The following PRKD1 variants were observed in gnomAD, a reference collection of about 807,000 sequenced individuals.
PRKD1 encodes serine/threonine-protein kinase D1.
Under a neutral mutation model 95.9 loss-of-function variants are expected in PRKD1, and 63 were observed. That is an observed-to-expected ratio of 0.66 (90% CI 0.54 to 0.81). The LOEUF (loss-of-function observed/expected upper bound fraction) is 0.81, where lower values mean the gene tolerates loss of function less well. Ranked by LOEUF, PRKD1 falls within the 30% of genes least tolerant of loss-of-function variation. The pLI, the probability that PRKD1 is intolerant of heterozygous loss-of-function variation, is 0.00. For missense variants in PRKD1, 1,048 were observed against 1,165.3 expected (o/e 0.90, Z 1.47); for synonymous variants, 425 against 423.1 (o/e 1.00, Z -0.05).
At chr14:29,914,777 C>CTTTTCT (rs562742263) in intron 1 of PRKD1, among the ~76,000 whole-genome samples, 12 of 144,332 alleles carry the variant, frequency 8.3e-5, no homozygotes, top group African/African-American at 2.8e-4. Context: ...CTTTTCTTTT[C>CTTTTCT]TTTTTTTTTT....
chr14:29,786,416 TGTTA>T (rs1889275854), intron 1 of PRKD1, among the ~76,000 whole-genome samples: 1 of 152,118 alleles, frequency 6.6e-6, no homozygotes, highest in Non-Finnish European at 1.5e-5. Context: ...GAAGAGTTGG[TGTTA>T]GTTCTTCTTT....
At chr14:29,850,439 G>A (rs1402126939) in intron 1 of PRKD1, among the ~76,000 whole-genome samples, 1 of 146,644 alleles carries the variant, frequency 6.8e-6, no homozygotes, top group Non-Finnish European at 1.5e-5. Context: ...AATCAAGAAA[G>A]CAACCCCATT....
intron 2 of PRKD1, 86 bp from the exon 3 acceptor site, chr14:29,666,294 T>A: frequency 7.2e-7 from 1 of 1,387,240 alleles, no homozygotes; most frequent in African/African-American, 1.4e-5. Flanking sequence ...AATATGCCAG[T>A]ACGGATATAA....
chr14:29,696,193 A>G (rs1884507049), intron 2 of PRKD1, among the ~76,000 whole-genome samples: 1 of 152,186 alleles, frequency 6.6e-6, no homozygotes, highest in Admixed American at 6.5e-5. Flanking sequence ...ACACATATGA[A>G]TTGCTGATGA....
chr14:29,675,557 G>C (rs1232897743), intron 2 of PRKD1, among the ~76,000 whole-genome samples: 1 of 152,108 alleles, frequency 6.6e-6, no homozygotes, highest in Non-Finnish European at 1.5e-5. Context: ...CAACCATTGT[G>C]GAAGACAGTG....
chr14:29,761,430 T>G (rs144303397), intron 1 of PRKD1, among the ~76,000 whole-genome samples: 1 of 152,320 alleles, frequency 6.6e-6, no homozygotes, highest in Non-Finnish European at 1.5e-5. Context: ...TTGAGACTGT[T>G]AAATTACTAA....
At chr14:29,681,098 G>A (rs907434601) in intron 2 of PRKD1, among the ~76,000 whole-genome samples, 3 of 152,222 alleles carry the variant, frequency 2.0e-5, no homozygotes, top group Non-Finnish European at 4.4e-5. Flanking sequence ...ATAAGAAATG[G>A]TCTAGGAACT....
At chr14:29,841,397 G>C (rs907173915) in intron 1 of PRKD1, among the ~76,000 whole-genome samples, 5 of 152,162 alleles carry the variant, frequency 3.3e-5, no homozygotes, top group Non-Finnish European at 5.9e-5. Flanking sequence ...ATCGTATCCT[G>C]AGTTCTAACT....
chr14:29,801,771 C>G (rs568928060), intron 1 of PRKD1, among the ~76,000 whole-genome samples: 123 of 152,186 alleles, frequency 8.1e-4, no homozygotes, highest in Non-Finnish European at 1.4e-3. Context: ...TCATCGCAAC[C>G]TCCGCCTCCC....
At chr14:29,847,550 A>G (rs771940725) in intron 1 of PRKD1, among the ~76,000 whole-genome samples, 2 of 152,204 alleles carry the variant, frequency 1.3e-5, no homozygotes, top group African/African-American at 2.4e-5. Context: ...AATTAAAAAA[A>G]AACAAATCTT....
intron 1 of PRKD1, among the ~76,000 whole-genome samples, chr14:29,780,587 A>G (rs925512038): frequency 6.6e-6 from 1 of 152,236 alleles, no homozygotes; most frequent in African/African-American, 2.4e-5. Context: ...AACCACAATC[A>G]GATACCAGCT....
At chr14:29,807,994 T>C (rs537195155) in intron 1 of PRKD1, among the ~76,000 whole-genome samples, 1 of 152,052 alleles carries the variant, frequency 6.6e-6, no homozygotes, top group Non-Finnish European at 1.5e-5. Context: ...CCTGCTAGAG[T>C]TACAGGAGTG....
chr14:29,589,816 C>T, intron 16 of PRKD1, among the ~76,000 whole-genome samples: 1 of 151,898 alleles, frequency 6.6e-6, no homozygotes, highest in East Asian at 1.9e-4. Context: ...TGTACAAAAG[C>T]AAAAATAAAT....
chr14:29,861,755 CG>C (rs1892718305), intron 1 of PRKD1, among the ~76,000 whole-genome samples: 2 of 152,050 alleles, frequency 1.3e-5, no homozygotes, highest in African/African-American at 4.8e-5. Context: ...CGGGTTCAAG[CG>C]ATTCTCCTGT....
intron 1 of PRKD1, among the ~76,000 whole-genome samples, chr14:29,871,257 G>A (rs1803220405): frequency 1.3e-5 from 2 of 152,208 alleles, no homozygotes; most frequent in South Asian, 2.1e-4. Flanking sequence ...GAAATTAAAT[G>A]AGAATAGATA....
At chr14:29,591,166 C>G (rs1893112836) in intron 16 of PRKD1, 1 of 152,034 alleles carries the variant, frequency 6.6e-6, no homozygotes, top group African/African-American at 2.4e-5. Flanking sequence ...TTTTGTATTT[C>G]CCTGGTGTTT....
At chr14:29,848,593 A>G (rs1231739544) in intron 1 of PRKD1, among the ~76,000 whole-genome samples, 1 of 151,982 alleles carries the variant, frequency 6.6e-6, no homozygotes, top group Non-Finnish European at 1.5e-5. Context: ...AAAACAAAAC[A>G]GCAAACCCTG....
intron 1 of PRKD1, among the ~76,000 whole-genome samples, chr14:29,877,282 A>G (rs1381138388): frequency 6.6e-6 from 1 of 152,232 alleles, no homozygotes; most frequent in African/African-American, 2.4e-5. Flanking sequence ...CTGCTATGGG[A>G]AAAAGTTTGG....
intron 1 of PRKD1, among the ~76,000 whole-genome samples, chr14:29,764,824 T>C (rs141926090): frequency 1.5e-3 from 230 of 152,308 alleles, no homozygotes; most frequent in African/African-American, 5.4e-3. Context: ...TTCTGACAAA[T>C]TTCAAAATTC....
Sources: gnomAD v4.1 joint callset for allele counts (sites outside exome capture counted in the v4.1 genomes callset) on GRCh38, gnomAD v4.1.1 for gene constraint, MANE v1.5 for transcripts, NCBI Gene and HGNC (gene_info 2026-07-23, HGNC 2026-07-21) for gene names.